The following PDZRN4 variants were observed in gnomAD, a reference collection of about 807,000 sequenced individuals.
The protein encoded by PDZRN4 is PDZ domain containing ring finger 4, also known as PDZ domain-containing RING finger protein 4.
A neutral mutation model predicts 99.0 loss-of-function variants in PDZRN4; 70 were observed. That is an observed-to-expected ratio of 0.71 (90% CI 0.58 to 0.86). PDZRN4 has a LOEUF of 0.86. PDZRN4 is among the 40% of genes least tolerant of loss of function. The pLI, the probability that PDZRN4 is intolerant of heterozygous loss-of-function variation, is 0.00. For synonymous variants in PDZRN4, 551 were observed against 501.6 expected (o/e 1.10, Z -1.32); for missense variants, 1,474 against 1,331.2 (o/e 1.11, Z -1.67).
At chr12:41,272,263 G>C (rs1360749565) in intron 3 of PDZRN4, among the ~76,000 whole-genome samples, 4 of 151,902 alleles carry the variant, frequency 2.6e-5, no homozygotes, top group African/African-American at 7.2e-5. Flanking sequence ...AATGATATGT[G>C]GTGAATCAGC....
At chr12:41,251,674 C>G (rs1206234961) in intron 3 of PDZRN4, among the ~76,000 whole-genome samples, 1 of 152,068 alleles carries the variant, frequency 6.6e-6, no homozygotes, top group African/African-American at 2.4e-5. Context: ...TTTGAAGACC[C>G]TTTGTATATG....
chr12:41,573,298 A>G lies in PDZRN4; in HGVS notation c.2519A>G (p.Tyr840Cys). Residue 840 changes from tyrosine to cysteine, a missense_variant, in exon 10 of 10, where the codon TAT (tyrosine) becomes TGT (cysteine). Tyr to Cys is a radical substitution (Grantham distance 194, BLOSUM62 -2). Coordinates refer to ENST00000402685, the MANE Select transcript of PDZRN4 (RefSeq NM_001164595.2). ...LSPYHSSSYR[Y>C]ANIPAHARHY... ...CCTTACCACAGCTCCTCATATAGAT[A>G]TGCAAACATCCCAGCACACGCCCGG... 1.2e-6 allele frequency: 2 copies of G among 1,613,574 alleles called. No individual in the cohort carries two copies. Among genetic ancestry groups the G allele is most frequent in the Non-Finnish European group, 1.7e-6 (2 of 1,179,996 alleles).
chr12:41,331,337 T>TTATATACAAATATACAAA (rs1011775483), intron 3 of PDZRN4, among the ~76,000 whole-genome samples: 1 of 152,122 alleles, frequency 6.6e-6, no homozygotes, highest in Middle Eastern at 3.2e-3. Context: ...ATGAGCGTGC[T>TTATATACAAATATACAAA]TATATACAAA....
At chr12:41,542,247 G>T (rs1677349958) in intron 5 of PDZRN4, among the ~76,000 whole-genome samples, 2 of 152,240 alleles carry the variant, frequency 1.3e-5, no homozygotes, top group South Asian at 2.1e-4. Context: ...AAGACCGCGG[G>T]GCCAGGTGAA....
At chr12:41,472,667 A>G (rs1953004631) in intron 3 of PDZRN4, among the ~76,000 whole-genome samples, 1 of 152,210 alleles carries the variant, frequency 6.6e-6, no homozygotes, top group Non-Finnish European at 1.5e-5. Context: ...TTAAAATCAT[A>G]ATAGTACCAG....
At chr12:41,527,633 T>C (rs1363462486) in intron 5 of PDZRN4, among the ~76,000 whole-genome samples, 1 of 152,204 alleles carries the variant, frequency 6.6e-6, no homozygotes, top group East Asian at 1.9e-4. Flanking sequence ...GCGTGACAAG[T>C]GGTTATGAGC....
chr12:41,221,683 T>C (rs1311897846), intron 3 of PDZRN4, among the ~76,000 whole-genome samples: 1 of 152,092 alleles, frequency 6.6e-6, no homozygotes, highest in Non-Finnish European at 1.5e-5. Flanking sequence ...CGCAAGCAGT[T>C]AGCGGTCAAA....
intron 3 of PDZRN4, among the ~76,000 whole-genome samples, chr12:41,415,987 G>C (rs1349320273): frequency 6.6e-6 from 1 of 152,226 alleles, no homozygotes; most frequent in East Asian, 1.9e-4. Flanking sequence ...GGACACACAG[G>C]ACCTAGAAGC....
chr12:41,319,125 G>A (rs571754972), intron 3 of PDZRN4, among the ~76,000 whole-genome samples: 3 of 152,176 alleles, frequency 2.0e-5, no homozygotes, highest in Non-Finnish European at 2.9e-5. Flanking sequence ...GATCGTGGTC[G>A]CATTAATGCC....
At chr12:41,563,417 G>C in intron 7 of PDZRN4, 131 bp from the exon 8 acceptor site, 2 of 659,486 alleles carry the variant, frequency 3.0e-6, no homozygotes, top group South Asian at 3.8e-5. Context: ...TTGAGCTGAG[G>C]GGCTGAAGAT....
At chr12:41,464,441 A>G (rs927388823) in intron 3 of PDZRN4, among the ~76,000 whole-genome samples, 2 of 152,234 alleles carry the variant, frequency 1.3e-5, no homozygotes, top group Non-Finnish European at 2.9e-5. Flanking sequence ...CATTCATTCA[A>G]TAGTGTCTAG....
intron 3 of PDZRN4, among the ~76,000 whole-genome samples, chr12:41,451,224 A>G (rs1952771731): frequency 6.6e-6 from 1 of 152,026 alleles, no homozygotes; most frequent in Non-Finnish European, 1.5e-5. Flanking sequence ...CATAGACTAA[A>G]TGGCTTAATT....
chr12:41,291,630 A>G (rs1951457204), intron 3 of PDZRN4, among the ~76,000 whole-genome samples: 1 of 152,134 alleles, frequency 6.6e-6, no homozygotes, highest in South Asian at 2.1e-4. Flanking sequence ...TACACTATAG[A>G]CAGGTAATGT....
At chr12:41,569,022 C>G (rs1939428793) in intron 9 of PDZRN4, among the ~76,000 whole-genome samples, 1 of 151,720 alleles carries the variant, frequency 6.6e-6, no homozygotes, top group Non-Finnish European at 1.5e-5. Flanking sequence ...TCAGACTGGT[C>G]TTAAACTCTG....
intron 3 of PDZRN4, among the ~76,000 whole-genome samples, chr12:41,414,938 G>A (rs960497398): frequency 6.6e-6 from 1 of 152,158 alleles, no homozygotes; most frequent in African/African-American, 2.4e-5. Context: ...AAGAGCACAT[G>A]TGAAGAACTG....
At chr12:41,520,475 A>C (rs1938474611) in intron 5 of PDZRN4, among the ~76,000 whole-genome samples, 2 of 152,126 alleles carry the variant, frequency 1.3e-5, no homozygotes, top group Non-Finnish European at 2.9e-5. Context: ...AAGGATTTAG[A>C]ACTGAGACTC....
intron 3 of PDZRN4, among the ~76,000 whole-genome samples, chr12:41,261,590 C>T (rs1951240436): frequency 6.6e-6 from 1 of 152,088 alleles, no homozygotes; most frequent in Admixed American, 6.5e-5. Context: ...CCCGGGTTCA[C>T]GCCATTCTCC....
chr12:41,403,995 G>T (rs1290009400), intron 3 of PDZRN4, among the ~76,000 whole-genome samples: 1 of 152,068 alleles, frequency 6.6e-6, no homozygotes, highest in Non-Finnish European at 1.5e-5. Context: ...ACCAAAACGT[G>T]CTGATGCTGA....
chr12:41,326,637 C>A (rs893099100), intron 3 of PDZRN4, among the ~76,000 whole-genome samples: 1 of 152,194 alleles, frequency 6.6e-6, no homozygotes, highest in East Asian at 1.9e-4. Flanking sequence ...AAGCAACAAA[C>A]AATGGTTATT....
Sources: gnomAD v4.1 joint callset for allele counts (sites outside exome capture counted in the v4.1 genomes callset) on GRCh38, gnomAD v4.1.1 for gene constraint, MANE v1.5 for transcripts, NCBI Gene and HGNC (gene_info 2026-07-23, HGNC 2026-07-21) for gene names.